The following SGMS1 variants were observed in gnomAD, a reference collection of about 807,000 sequenced individuals.
The protein encoded by SGMS1 is phosphatidylcholine:ceramide cholinephosphotransferase 1.
SGMS1 carries 13 observed loss-of-function variants against 46.2 expected under a neutral mutation model. The observed-to-expected ratio is 0.28, with a 90% CI of 0.18 to 0.45. The LOEUF (loss-of-function observed/expected upper bound fraction) is 0.45. SGMS1 is among the 20% of genes least tolerant of loss of function. The probability of loss-of-function intolerance (pLI) is 1.00; values close to 1 mark genes in which losing one functional copy is unlikely to be tolerated. For missense variants in SGMS1, 324 were observed against 519.9 expected (o/e 0.62, Z 3.66); for synonymous variants, 203 against 187.8 (o/e 1.08, Z -0.66).
At chr10:50,616,298 T>G (rs377485119) in intron 1 of SGMS1, among the ~76,000 whole-genome samples, 67 of 151,838 alleles carry the variant, frequency 4.4e-4, no homozygotes, top group South Asian at 2.5e-3. Context: ...TTTTATGTAT[T>G]TATTTATTTA....
chr10:50,309,737 T>C (rs1180915105), intron 9 of SGMS1, among the ~76,000 whole-genome samples: 2 of 152,214 alleles, frequency 1.3e-5, no homozygotes, highest in Non-Finnish European at 2.9e-5. Context: ...CTCAGTGCCC[T>C]GAAGTGCATC....
Position 50,564,871 on chromosome 10 carries a change from T to C in SGMS1, c.-589+25282A>G, listed in dbSNP as rs572913066. ...TGCAGGTTAGTTACATATGTATACA[T>C]CAGATTATTTAAAAGGGCTACGTTC... is the stretch of plus-strand genomic sequence containing the variant. On this transcript the variant is annotated intron_variant, in intron 2 of 10. Transcript: ENST00000361781. Among the ~76,000 whole-genome samples, 3 of 152,228 alleles carry C rather than the reference T, an allele frequency of 2.0e-5. No homozygotes were observed. The South Asian group carries it at 6.2e-4, about 32-fold the overall frequency.
upstream of SGMS1, chr10:50,624,126 G>A: frequency 1.0e-6 from 1 of 985,400 alleles, no homozygotes; most frequent in Non-Finnish European, 1.2e-6. Flanking sequence ...TCGCAGTTTG[G>A]GCCCCTTGAA....
chr10:50,561,053 T>C (rs556505798), intron 2 of SGMS1, among the ~76,000 whole-genome samples: 1 of 152,288 alleles, frequency 6.6e-6, no homozygotes, highest in African/African-American at 2.4e-5. Flanking sequence ...AGATATAAAC[T>C]TTGGAACCCA....
chr10:50,456,261 TG>T (rs1252841536), intron 5 of SGMS1, among the ~76,000 whole-genome samples: 1 of 149,786 alleles, frequency 6.7e-6, no homozygotes, highest in Non-Finnish European at 1.5e-5. Context: ...TGCTGGTTGA[TG>T]GGACAATAAG....
intron 2 of SGMS1, among the ~76,000 whole-genome samples, chr10:50,527,523 C>T (rs1837914653): frequency 6.6e-6 from 1 of 152,292 alleles, no homozygotes; most frequent in Admixed American, 6.5e-5. Context: ...CAGCTCCTGG[C>T]TATCTAGTTT....
chr10:50,458,763 T>G (rs754940076), intron 5 of SGMS1, among the ~76,000 whole-genome samples: 21 of 152,166 alleles, frequency 1.4e-4, no homozygotes, highest in Non-Finnish European at 2.6e-4. Flanking sequence ...CTCAGGATTT[T>G]TACGGTGATT....
intron 8 of SGMS1, among the ~76,000 whole-genome samples, chr10:50,314,451 A>C (rs1170115039): frequency 6.6e-6 from 1 of 152,182 alleles, no homozygotes; most frequent in Non-Finnish European, 1.5e-5. Context: ...CCTCATCTAC[A>C]ATTTGGGAAG....
intron 6 of SGMS1, among the ~76,000 whole-genome samples, chr10:50,389,388 C>T (rs1248065240): frequency 6.6e-6 from 1 of 152,204 alleles, no homozygotes; most frequent in Admixed American, 6.5e-5. Context: ...CAAGTTACCT[C>T]ATACTTCTTG....
chr10:50,344,421 T>C lies in SGMS1; in HGVS notation c.-231-76A>G, dbSNP rs370509288. 85 of 271,176 alleles carry C rather than the reference T, an allele frequency of 3.1e-4. 1 individual carries two copies. Among genetic ancestry groups the C allele is most frequent in the African/African-American group, 1.8e-3 (81 of 45,816 alleles). The allele number at this position is 271,176 out of a possible 1,614,324, so 16.8% of individuals were successfully genotyped here. On this transcript the variant is annotated intron_variant, in intron 6 of 10. Transcript: ENST00000361781. The stretch of plus-strand genomic sequence containing the variant: ...CTCAAAACGCAAAGCCTTATATACA[T>C]AAGGAAAGTAGAAAACCAGTTATTG...
intron 5 of SGMS1, among the ~76,000 whole-genome samples, chr10:50,435,935 A>G (rs941647931): frequency 5.3e-5 from 8 of 152,214 alleles, no homozygotes; most frequent in African/African-American, 1.9e-4. Context: ...TTTTACCTTC[A>G]GAACCAGTGT....
intron 6 of SGMS1, among the ~76,000 whole-genome samples, chr10:50,372,941 A>G (rs553527524): frequency 6.3e-5 from 5 of 78,968 alleles, no homozygotes; most frequent in East Asian, 2.6e-4. Context: ...AGTCAATGCT[A>G]TAATATAAAA....
chr10:50,375,945 C>T (rs913392131), intron 6 of SGMS1, among the ~76,000 whole-genome samples: 2 of 152,152 alleles, frequency 1.3e-5, no homozygotes, highest in Non-Finnish European at 1.5e-5. Context: ...AATTCTCCTG[C>T]CTCAGCCTCC....
intron 2 of SGMS1, among the ~76,000 whole-genome samples, chr10:50,562,434 C>T (rs565858363): frequency 2.6e-5 from 4 of 151,978 alleles, no homozygotes; most frequent in East Asian, 1.9e-4. Flanking sequence ...AATCACCTTC[C>T]CCCCACCACC....
At chr10:50,566,525 G>A (rs11006155) in intron 2 of SGMS1, among the ~76,000 whole-genome samples, 67,029 of 151,998 alleles carry the variant, frequency 0.44, 15,991 homozygotes, top group East Asian at 0.74. Context: ...CATTCAGTTC[G>A]GTTTAACAAA....
intron 5 of SGMS1, among the ~76,000 whole-genome samples, chr10:50,449,640 C>CGTGTGT (rs10581530): frequency 1.4e-3 from 209 of 150,184 alleles, no homozygotes; most frequent in Non-Finnish European, 1.1e-3. Flanking sequence ...AGTGTGTGCA[C>CGTGTGT]GTGTGTGTGT....
At chr10:50,338,297 A>C in intron 7 of SGMS1, among the ~76,000 whole-genome samples, 1 of 152,118 alleles carries the variant, frequency 6.6e-6, no homozygotes, top group East Asian at 1.9e-4. Context: ...CTTTCTTCAA[A>C]TCTTTTCACC....
intron 3 of SGMS1, among the ~76,000 whole-genome samples, chr10:50,468,334 T>C (rs1299634016): frequency 6.6e-6 from 1 of 152,196 alleles, no homozygotes; most frequent in African/African-American, 2.4e-5. Flanking sequence ...GCCTTATAAT[T>C]AGATACAGAA....
rs140482725 is a variant in SGMS1, at chr10:50,514,618, T to C, written c.-498+5213A>G. 9.5e-4 allele frequency among the ~76,000 whole-genome samples: 144 copies of C among 152,328 alleles called. 1 individual carries two copies. The highest frequency in any genetic ancestry group is 3.4e-3 in the African/African-American group (140 of 41,570). On this transcript the variant is annotated intron_variant, in intron 3 of 10. Transcript: ENST00000361781. ...GGTCATGCCACATCTTTGGGGGCCATTAGACCATTATTCTGCTACCACAAT... is the reference window on the plus strand; with the variant it reads ...GGTCATGCCACATCTTTGGGGGCCACTAGACCATTATTCTGCTACCACAAT...
Sources: gnomAD v4.1 joint callset for allele counts (sites outside exome capture counted in the v4.1 genomes callset) on GRCh38, gnomAD v4.1.1 for gene constraint, MANE v1.5 for transcripts, NCBI Gene and HGNC (gene_info 2026-07-23, HGNC 2026-07-21) for gene names.